The following ANKRD44 variants were observed in gnomAD, a reference collection of about 807,000 sequenced individuals.
The protein encoded by ANKRD44 is serine/threonine-protein phosphatase 6 regulatory ankyrin repeat subunit B.
In ANKRD44, 35 loss-of-function variants were observed where a neutral mutation model predicts 116.0. The observed-to-expected ratio is 0.30, with a 90% CI of 0.23 to 0.40. ANKRD44 has a LOEUF of 0.40. Among genes scored for constraint, ANKRD44 ranks in the 10% least tolerant of loss-of-function variants. The pLI, the probability that ANKRD44 is intolerant of heterozygous loss-of-function variation, is 1.00. For synonymous variants in ANKRD44, 435 were observed against 461.8 expected (o/e 0.94, Z 0.74); for missense variants, 1,014 against 1,242.6 (o/e 0.82, Z 2.77).
chr2:197,026,007 C>T (rs1459250398), intron 16 of ANKRD44, among the ~76,000 whole-genome samples: 1 of 135,508 alleles, frequency 7.4e-6, no homozygotes, highest in African/African-American at 2.6e-5. Context: ...TTTCTGGTTC[C>T]CTAGCAAGTA....
intron 17 of ANKRD44, among the ~76,000 whole-genome samples, chr2:197,014,740 C>T (rs1197046713): frequency 1.3e-5 from 2 of 151,378 alleles, no homozygotes; most frequent in Non-Finnish European, 2.9e-5. Flanking sequence ...GCTATTATCA[C>T]GACTCTGCAC....
intron 16 of ANKRD44, among the ~76,000 whole-genome samples, chr2:197,072,226 C>G (rs1349421083): frequency 6.6e-6 from 1 of 152,216 alleles, no homozygotes; most frequent in African/African-American, 2.4e-5. Context: ...TCTGACATCA[C>G]TGAGTCCTTA....
intron 16 of ANKRD44, chr2:197,029,881 A>C (rs940160428): frequency 4.4e-6 from 1 of 227,982 alleles, no homozygotes; most frequent in Non-Finnish European, 9.0e-6. Flanking sequence ...ACCTTTAGAC[A>C]TGACCAGCAT....
intron 1 of ANKRD44, among the ~76,000 whole-genome samples, chr2:197,194,951 ATAG>A (rs959683656): frequency 1.3e-4 from 20 of 152,290 alleles, no homozygotes; most frequent in African/African-American, 4.8e-4. Context: ...TTGGAAAATA[ATAG>A]AAGATGAAGT....
At chr2:197,217,445 C>T (rs990644870) in intron 1 of ANKRD44, among the ~76,000 whole-genome samples, 1 of 152,096 alleles carries the variant, frequency 6.6e-6, no homozygotes, top group African/African-American at 2.4e-5. Flanking sequence ...CCTCATAGCC[C>T]ACCAAAATTC....
At chr2:196,979,875 T>G (rs1478683438) in intron 21 of ANKRD44, among the ~76,000 whole-genome samples, 1 of 152,096 alleles carries the variant, frequency 6.6e-6, no homozygotes, top group Non-Finnish European at 1.5e-5. Context: ...AAGGTGATTT[T>G]TATTTGCAGT....
chr2:197,002,985 TA>T (rs2076139796), intron 21 of ANKRD44, among the ~76,000 whole-genome samples: 2 of 152,088 alleles, frequency 1.3e-5, no homozygotes, highest in Admixed American at 6.6e-5. Context: ...TTAGACAGAT[TA>T]AAAAGCTTAT....
At chr2:197,033,352 G>T (rs189036226) in intron 16 of ANKRD44, among the ~76,000 whole-genome samples, 2 of 152,300 alleles carry the variant, frequency 1.3e-5, no homozygotes, top group Admixed American at 1.3e-4. Context: ...GATGGTGGTG[G>T]TGATAAATAA....
In ANKRD44 at chr2:197,125,883, C is replaced by G. The variant is rs149055791; in HGVS notation, c.416G>C (p.Gly139Ala). 36 of 1,614,094 alleles carry G rather than the reference C, an allele frequency of 2.2e-5. No homozygotes were observed. Among genetic ancestry groups the G allele is most frequent in the African/African-American group, 8.0e-5 (6 of 74,934 alleles). The change falls in exon 5 of 28, where the codon GGG becomes GCG. Residue 139 changes from glycine to alanine, a missense_variant. Gly to Ala is a moderately conservative substitution (Grantham distance 60). Coordinates refer to ENST00000282272, the MANE Select transcript of ANKRD44 (RefSeq NM_001195144.2). ...CGCATGGTGCAAGGCTGTGCGCCCC[C>G]CTCGGTCGGAGACATTGACACTGCT... ...LLSSVNVSDRGGRTALHHAAL... is the reference protein window; with the variant it reads ...LLSSVNVSDRAGRTALHHAAL...
intron 1 of ANKRD44, among the ~76,000 whole-genome samples, chr2:197,269,278 T>G (rs955366219): frequency 6.6e-6 from 1 of 152,066 alleles, no homozygotes; most frequent in African/African-American, 2.4e-5. Flanking sequence ...CAGGGAAAGT[T>G]TGAATATGGA....
intron 17 of ANKRD44, among the ~76,000 whole-genome samples, chr2:197,022,382 T>C (rs2076513744): frequency 6.6e-6 from 1 of 152,222 alleles, no homozygotes; most frequent in South Asian, 2.1e-4. Context: ...ACTAAAGTGA[T>C]CCTTTTAAAA....
chr2:197,148,185 A>G (rs1388926793), intron 2 of ANKRD44, among the ~76,000 whole-genome samples: 1 of 152,264 alleles, frequency 6.6e-6, no homozygotes, highest in Non-Finnish European at 1.5e-5. Context: ...GCAGTGCTCC[A>G]TACGAAGCCC....
At chr2:197,248,785 A>G (rs1014811280) in intron 1 of ANKRD44, among the ~76,000 whole-genome samples, 1 of 152,008 alleles carries the variant, frequency 6.6e-6, no homozygotes, top group Non-Finnish European at 1.5e-5. Flanking sequence ...AAGCAGGGGT[A>G]GCATGCGGTG....
rs536615735 is a variant in ANKRD44, at chr2:197,055,076, G to A, written c.1650+23627C>T. 1.5e-3 allele frequency among the ~76,000 whole-genome samples: 222 copies of A among 152,274 alleles called. 1 individual carries two copies. The highest frequency in any genetic ancestry group is 5.0e-3 in the African/African-American group (209 of 41,552). On this transcript the variant is annotated intron_variant, in intron 16 of 27. Transcript: ENST00000282272. ...TGATGGATTTCTAACCTATAACACT[G>A]TAAGATAATGAATTTGTGTTCTTTT...
At chr2:197,284,743 A>C (rs2083361541) in intron 1 of ANKRD44, among the ~76,000 whole-genome samples, 1 of 151,780 alleles carries the variant, frequency 6.6e-6, no homozygotes. Context: ...AAAATTAGCC[A>C]GGTGTGGTGG....
At position 197,260,531 on chromosome 2, in the gene ANKRD44, C is replaced by T. The variant is rs555484781; in HGVS notation, c.27+50047G>A. ...AAGTCTTTGCTATTGTGAATAGTGC[C>T]GCTATAAACATACGTGTGCATGTGT... On this transcript the variant is annotated intron_variant, in intron 1 of 27. Transcript: ENST00000282272. Among the ~76,000 whole-genome samples the T allele has an allele frequency of 2.3e-3, 352 of 152,000 alleles. 1 individual carries two copies. The highest frequency in any genetic ancestry group is 8.1e-3 in the African/African-American group (336 of 41,418).
At chr2:197,156,716 G>C (rs1228919381) in intron 2 of ANKRD44, among the ~76,000 whole-genome samples, 3 of 152,150 alleles carry the variant, frequency 2.0e-5, no homozygotes, top group African/African-American at 4.8e-5. Context: ...TCCATCAAAA[G>C]ATGAATGGAC....
chr2:197,170,446 A>T (rs2125538033), intron 2 of ANKRD44, among the ~76,000 whole-genome samples: 1 of 152,294 alleles, frequency 6.6e-6, no homozygotes, highest in East Asian at 1.9e-4. Flanking sequence ...TGAGAAACAC[A>T]CTTTGGAAAA....
chr2:197,290,060 A>G (rs1246460264), intron 1 of ANKRD44, among the ~76,000 whole-genome samples: 1 of 152,064 alleles, frequency 6.6e-6, no homozygotes, highest in East Asian at 1.9e-4. Flanking sequence ...GGGTTTCACT[A>G]TGTTGGCCAG....
Sources: allele counts gnomAD v4.1 joint callset (sites outside exome capture counted in the v4.1 genomes callset), GRCh38; gene constraint gnomAD v4.1.1; transcripts MANE v1.5; gene names NCBI Gene and HGNC (gene_info 2026-07-23, HGNC 2026-07-21).